Variants in SLC23A2 observed in about 807,000 individuals in gnomAD.
SLC23A2 encodes the protein Na(+)/L-ascorbic acid transporter 2.
In SLC23A2, 36 loss-of-function variants were observed where a neutral mutation model predicts 73.3. The ratio of observed to expected loss-of-function variants is 0.49; its 90% CI spans 0.38 to 0.65. The LOEUF is 0.65. SLC23A2 is among the 30% of genes least tolerant of loss of function. The pLI, the probability that SLC23A2 is intolerant of heterozygous loss-of-function variation, is 0.00. For missense variants in SLC23A2, 507 were observed against 841.6 expected (o/e 0.60, Z 4.92); for synonymous variants, 343 against 327.3 (o/e 1.05, Z -0.52).
chr20:4,972,567 T>TG, intron 1 of SLC23A2, among the ~76,000 whole-genome samples: 1 of 124,524 alleles, frequency 8.0e-6, no homozygotes, highest in Non-Finnish European at 1.8e-5. Context: ...TTTTGGGGGG[T>TG]TTTTTGGGGT....
At chr20:4,966,078 ATAAAAT>A (rs1027109206) in intron 2 of SLC23A2, among the ~76,000 whole-genome samples, 1 of 152,174 alleles carries the variant, frequency 6.6e-6, no homozygotes, top group Non-Finnish European at 1.5e-5. Flanking sequence ...CTCCAAAAAA[ATAAAAT>A]TATAAGCTAT....
Position 4,896,111 on chromosome 20 carries a change from G to A in SLC23A2, c.482+3444C>T, listed in dbSNP as rs1444191089. On this transcript the variant is annotated intron_variant, in intron 6 of 16. Transcript: ENST00000338244. ...ATGGAGGGTGGAGAGACGTGGGGGGGATGAGAGAAGAGGAGACACACGAAC... is the reference window on the plus strand; with the variant it reads ...ATGGAGGGTGGAGAGACGTGGGGGGAATGAGAGAAGAGGAGACACACGAAC... Among the ~76,000 whole-genome samples the A allele has an allele frequency of 2.0e-5, 3 of 152,272 alleles. No homozygotes were observed. In the East Asian group the frequency reaches 5.8e-4, roughly 29 times the overall value.
intron 1 of SLC23A2, among the ~76,000 whole-genome samples, chr20:4,978,670 T>C (rs1461949104): frequency 6.6e-6 from 1 of 151,940 alleles, no homozygotes; most frequent in African/African-American, 2.4e-5. Context: ...TGGTCTCATT[T>C]CTCCTAGAGA....
chr20:4,995,587 C>T (rs774699915), intron 1 of SLC23A2, among the ~76,000 whole-genome samples: 2 of 152,150 alleles, frequency 1.3e-5, no homozygotes, highest in Admixed American at 6.6e-5. Flanking sequence ...ACTGATCCCT[C>T]GATCTGGAAT....
Position 4,862,188 on chromosome 20 carries a change from GA to G in SLC23A2, c.1487-104del. On this transcript the variant is annotated intron_variant, in intron 14 of 16. Transcript: ENST00000338244. This position sits in a 1 kb window ranked among gnomAD's most constrained non-coding sequence, Gnocchi z 5.1. ...CCTGGCACCCCTTCTCTGTCCAACA[GA>G]AACCAATGAGACCAGTGCAGGGACA... 8.5e-7 allele frequency: 1 copy of G among 1,177,904 alleles called. No individual in the cohort carries two copies. Among genetic ancestry groups the G allele is most frequent in the Non-Finnish European group, 1.2e-6 (1 of 818,076 alleles). The allele number at this position is 1,177,904 out of a possible 1,614,324, so 73.0% of individuals were successfully genotyped here.
intron 2 of SLC23A2, among the ~76,000 whole-genome samples, chr20:4,963,541 T>TA (rs11355760): frequency 4.0e-4 from 59 of 148,744 alleles, no homozygotes; most frequent in East Asian, 7.9e-4. Flanking sequence ...GCTTTCTTAT[T>TA]AAAAAAAAAA....
At chr20:4,969,625 C>T (rs1181866560) in intron 2 of SLC23A2, among the ~76,000 whole-genome samples, 1 of 148,760 alleles carries the variant, frequency 6.7e-6, no homozygotes, top group Non-Finnish European at 1.5e-5. Flanking sequence ...CACTCTGCCA[C>T]CCAGGCTAGA....
chr20:4,976,117 T>G (rs2087641825), intron 1 of SLC23A2, among the ~76,000 whole-genome samples: 1 of 151,694 alleles, frequency 6.6e-6, no homozygotes, highest in Non-Finnish European at 1.5e-5. Flanking sequence ...CCTCCCAAAG[T>G]GCTGGAATTA....
intron 12 of SLC23A2, among the ~76,000 whole-genome samples, chr20:4,869,381 T>C (rs1346400131): frequency 7.0e-6 from 1 of 143,830 alleles, no homozygotes; most frequent in Non-Finnish European, 1.5e-5. Context: ...CTTGTTTTGC[T>C]GGGAAGAAAA....
chr20:4,919,815 AAACCC>A (rs1932444790), intron 3 of SLC23A2, among the ~76,000 whole-genome samples: 1 of 152,200 alleles, frequency 6.6e-6, no homozygotes, highest in Non-Finnish European at 1.5e-5. Flanking sequence ...TACAGATAAC[AAACCC>A]ATGTCTCTAA....
At chr20:4,971,724 C>A (rs1442446206) in intron 1 of SLC23A2, among the ~76,000 whole-genome samples, 2 of 151,884 alleles carry the variant, frequency 1.3e-5, no homozygotes, top group Non-Finnish European at 2.9e-5. Context: ...GAGGTCAAGG[C>A]TGCAGTGAGC....
At chr20:4,973,825 G>A (rs1328059911) in intron 1 of SLC23A2, among the ~76,000 whole-genome samples, 2 of 152,144 alleles carry the variant, frequency 1.3e-5, no homozygotes, top group Admixed American at 6.6e-5. Flanking sequence ...ATCAAGGCCC[G>A]CTGAACTCTC....
intron 4 of SLC23A2, among the ~76,000 whole-genome samples, chr20:4,909,318 A>C (rs1053885345): frequency 6.6e-6 from 1 of 152,152 alleles, no homozygotes; most frequent in African/African-American, 2.4e-5. Flanking sequence ...AAAATTTCAG[A>C]TATTGGAACA....
intron 1 of SLC23A2, among the ~76,000 whole-genome samples, chr20:4,999,553 G>C (rs1488129345): frequency 1.5e-5 from 2 of 132,976 alleles, no homozygotes; most frequent in Admixed American, 7.4e-5. Context: ...GCCATACTCA[G>C]CTATTTTTTT....
At chr20:4,961,298 G>A (rs552317283) in intron 2 of SLC23A2, among the ~76,000 whole-genome samples, 40 of 152,034 alleles carry the variant, frequency 2.6e-4, no homozygotes, top group South Asian at 1.0e-3. Flanking sequence ...AGCCAGGATG[G>A]TCTCGATCTC....
intron 15 of SLC23A2, among the ~76,000 whole-genome samples, chr20:4,860,972 C>T (rs991916983): frequency 6.6e-6 from 1 of 152,114 alleles, no homozygotes; most frequent in African/African-American, 2.4e-5. Flanking sequence ...ACCCAGGAGG[C>T]GGAGGTTGCA....
intron 3 of SLC23A2, among the ~76,000 whole-genome samples, chr20:4,931,900 A>C (rs1234779337): frequency 2.0e-5 from 3 of 152,236 alleles, no homozygotes; most frequent in Admixed American, 2.0e-4. Context: ...TTAAACCAAC[A>C]CATTATAGGT....
In SLC23A2 at chr20:4,874,026, G is replaced by A. The variant is rs762140074; in HGVS notation, c.1012C>T (p.Pro338Ser). The A allele has an allele frequency of 7.4e-6, 12 of 1,614,036 alleles. No individual in the cohort carries two copies. The highest frequency in any genetic ancestry group is 2.2e-5 in the East Asian group (1 of 44,888). ...TAGAAGCCATACTTTGTGCTGTCGG[G>A]AGGGAAGACATCTGTCACCGTGAAG... is the stretch of plus-strand genomic sequence containing the variant. ...FIFTVTDVFPPDSTKYGFYAR... is the reference protein window; with the variant it reads ...FIFTVTDVFPSDSTKYGFYAR... The change falls in exon 11 of 17, where the codon CCC becomes TCC. Residue 338 changes from proline to serine, a missense_variant. Transcript: ENST00000338244.
At chr20:5,009,937 T>C (rs992282670) in intron 1 of SLC23A2, among the ~76,000 whole-genome samples, 1 of 151,672 alleles carries the variant, frequency 6.6e-6, no homozygotes, top group Non-Finnish European at 1.5e-5. Context: ...CTACTAAAAT[T>C]ACAAAAAATT....
Sources: allele counts gnomAD v4.1 joint callset (sites outside exome capture counted in the v4.1 genomes callset), GRCh38; gene constraint gnomAD v4.1.1; non-coding constraint Gnocchi (gnomAD v3.1); transcripts MANE v1.5; gene names NCBI Gene and HGNC (gene_info 2026-07-23, HGNC 2026-07-21).